ECPAS: variants seen among roughly 807,000 people sequenced by gnomAD.
ECPAS encodes the protein proteasome adapter and scaffold protein ECM29.
A neutral mutation model predicts 255.1 loss-of-function variants in ECPAS; 70 were observed. The observed-to-expected ratio is 0.27, with a 90% confidence interval of 0.23 to 0.33. The LOEUF is 0.33. ECPAS is among the 10% of genes least tolerant of loss of function. ECPAS has a pLI of 1.00. For missense variants in ECPAS, 1,817 were observed against 2,206.4 expected (o/e 0.82, Z 3.54); for synonymous variants, 784 against 775.0 (o/e 1.01, Z -0.19).
chr9:111,425,340 C>T (rs1173296129), intron 12 of ECPAS, 78 bp downstream of exon 12: 1 of 928,082 alleles, frequency 1.1e-6, no homozygotes, highest in Non-Finnish European at 1.6e-6. Flanking sequence ...TAACTAACTA[C>T]ATTGACAGAC....
chr9:111,369,265 G>A (rs927944185), intron 45 of ECPAS, 92 bp from the exon 46 acceptor site: 10 of 916,506 alleles, frequency 1.1e-5, no homozygotes, highest in African/African-American at 1.7e-5. Context: ...ACCAAGGCAG[G>A]AGATATTAAC....
At chr9:111,362,549 C>T (rs1313457113) in intron 49 of ECPAS, among the ~76,000 whole-genome samples, 1 of 150,518 alleles carries the variant, frequency 6.6e-6, no homozygotes, top group East Asian at 1.9e-4. Flanking sequence ...AAGATACGGT[C>T]AGTTAAAAAA....
At chr9:111,364,703 G>A (rs939895911) in intron 48 of ECPAS, among the ~76,000 whole-genome samples, 2 of 152,168 alleles carry the variant, frequency 1.3e-5, no homozygotes, top group African/African-American at 4.8e-5. Flanking sequence ...AGAAAACATA[G>A]TAACTATCCA....
intron 35 of ECPAS, among the ~76,000 whole-genome samples, chr9:111,382,171 A>G (rs371340368): frequency 1.6e-4 from 25 of 152,126 alleles, no homozygotes; most frequent in African/African-American, 6.0e-4. Flanking sequence ...AATCATTATA[A>G]AGTTCTCTTC....
At chr9:111,464,597 T>C (rs1196834551) in intron 2 of ECPAS, among the ~76,000 whole-genome samples, 1 of 152,004 alleles carries the variant, frequency 6.6e-6, no homozygotes, top group East Asian at 1.9e-4. Flanking sequence ...ACGATGGAAA[T>C]AAATAAACAA....
rs760058171 is a variant in ECPAS, at chr9:111,374,056, CA to C, written c.4111-19del. ...CAGCCACCCTACAGGGTTACAAAAG[CA>C]AAGGTCTAAATCTGATGGTCACAAT... On this transcript the variant is annotated intron_variant, in intron 38 of 49. Transcript: ENST00000684092. 10 of 1,597,492 alleles carry C rather than the reference CA, an allele frequency of 6.3e-6. No individual in the cohort carries two copies. In the East Asian group the frequency reaches 1.6e-4, roughly 25 times the overall value.
At chr9:111,474,037 G>A (rs966074793) in intron 1 of ECPAS, among the ~76,000 whole-genome samples, 32 of 152,210 alleles carry the variant, frequency 2.1e-4, no homozygotes, top group African/African-American at 7.7e-4. Context: ...AGAAAACCGA[G>A]GCCTACAAGT....
intron 2 of ECPAS, among the ~76,000 whole-genome samples, chr9:111,459,130 T>G (rs2098270315): frequency 6.6e-6 from 1 of 152,170 alleles, no homozygotes; most frequent in African/African-American, 2.4e-5. Context: ...ATATATGATA[T>G]AAAATATTTT....
chr9:111,379,131 G>A (rs530383506), intron 35 of ECPAS, among the ~76,000 whole-genome samples: 23 of 152,182 alleles, frequency 1.5e-4, no homozygotes, highest in African/African-American at 5.1e-4. Context: ...ACATACAGCC[G>A]CTATTCCCCC....
rs1296657908 is a variant in ECPAS at position 111,410,136 on chromosome 9, G to C, written c.2455C>G (p.Pro819Ala). 1.1e-5 allele frequency: 18 copies of C among 1,611,722 alleles called. No homozygotes were observed. Among genetic ancestry groups the C allele is most frequent in the Non-Finnish European group, 1.5e-5 (18 of 1,179,064 alleles). Residue 819 changes from proline (P) to alanine (A), a missense_variant, in exon 23 of 50, where the codon CCA (proline) becomes GCA (alanine). By Grantham distance (27) the Pro-to-Ala change is conservative. This residue lies in a region of ECPAS where 194 missense variants were observed against 152.8 expected (regional missense o/e 1.27). Transcript: ENST00000684092. ...TALGEIGRNG[P>A]LPIPSEGSGF... is the part of the protein sequence containing the mutation. ...GATCCCTCACTGGGGATTGGAAGTG[G>C]ACCATTTCTGCCAATTTCACCCAGG...
chr9:111,393,043 C>A (rs2098162612), intron 27 of ECPAS, among the ~76,000 whole-genome samples, 161 bp from the exon 28 acceptor site: 2 of 152,142 alleles, frequency 1.3e-5, no homozygotes, highest in South Asian at 2.1e-4. Flanking sequence ...AAATAATAAT[C>A]ATTTCAGGGG....
intron 5 of ECPAS, 119 bp from the exon 6 acceptor site, chr9:111,440,640 C>A (rs1443552876): frequency 4.5e-6 from 3 of 669,352 alleles, no homozygotes; most frequent in Non-Finnish European, 4.9e-6. Flanking sequence ...AGAGACATTC[C>A]TTTTCAACAC....
At chr9:111,444,306 T>C in intron 4 of ECPAS, 72 bp downstream of exon 4, 3 of 999,756 alleles carry the variant, frequency 3.0e-6, no homozygotes, top group Non-Finnish European at 4.6e-6. Context: ...TGCCAATATG[T>C]TGATGACATC....
chr9:111,368,039 AAAAAACAAAC>A (rs2098122652), intron 46 of ECPAS, among the ~76,000 whole-genome samples: 1 of 149,698 alleles, frequency 6.7e-6, no homozygotes, highest in African/African-American at 2.5e-5. Flanking sequence ...TGTCTCAAAA[AAAAAACAAAC>A]AAAAAAAAAA....
rs562917450 is a variant in ECPAS, at chr9:111,373,128, C to T, written c.4336+42G>A. 3.4e-5 allele frequency: 50 copies of T among 1,472,946 alleles called. No homozygotes were observed. In the South Asian group the frequency reaches 5.2e-4, roughly 15 times the overall value. The allele number at this position is 1,472,946 out of a possible 1,614,324, so 91.2% of individuals were successfully genotyped here. A position where few individuals can be genotyped will look rare whatever the true frequency, so the allele number is the denominator to read the frequency against. ...TTGTACTGTTTTACTGGGCTGTTAA[C>T]ATCTAAATTTAAAATGACATAAAAT... On this transcript the variant is annotated intron_variant, in intron 41 of 49. Coordinates refer to ENST00000684092, the MANE Select transcript of ECPAS (RefSeq NM_001364929.1).
chr9:111,395,380 A>T (rs1394401610), intron 25 of ECPAS, among the ~76,000 whole-genome samples: 1 of 152,196 alleles, frequency 6.6e-6, no homozygotes, highest in Non-Finnish European at 1.5e-5. Context: ...CAACAATGAC[A>T]TCCAAAGGCT....
chr9:111,425,216 A>T (rs571801228), intron 12 of ECPAS, among the ~76,000 whole-genome samples: 2 of 152,180 alleles, frequency 1.3e-5, no homozygotes, highest in Admixed American at 6.5e-5. Flanking sequence ...GTAAGACCTC[A>T]TATCAGTTTT....
At chr9:111,397,649 T>C (rs1198878209) in intron 24 of ECPAS, among the ~76,000 whole-genome samples, 2 of 152,250 alleles carry the variant, frequency 1.3e-5, no homozygotes, top group African/African-American at 4.8e-5. Context: ...TATAGGATGC[T>C]TGATTGTGGT....
intron 6 of ECPAS, among the ~76,000 whole-genome samples, chr9:111,438,234 T>C (rs1352214435): frequency 6.6e-6 from 1 of 152,238 alleles, no homozygotes; most frequent in Non-Finnish European, 1.5e-5. Context: ...CCTCCTGATT[T>C]AACAAATATA....
Sources: allele counts gnomAD v4.1 joint callset (sites outside exome capture counted in the v4.1 genomes callset), GRCh38; gene constraint gnomAD v4.1.1; regional missense constraint gnomAD v4.1.1; transcripts MANE v1.5; gene names NCBI Gene and HGNC (gene_info 2026-07-23, HGNC 2026-07-21).